CNTN5: variants seen among roughly 807,000 people sequenced by gnomAD.
CNTN5 encodes the protein contactin-5.
A neutral mutation model predicts 129.1 loss-of-function variants in CNTN5; 77 were observed. The observed-to-expected ratio is 0.60, with a 90% CI of 0.50 to 0.72. CNTN5 has a LOEUF of 0.72. Among genes scored for constraint, CNTN5 ranks in the 30% least tolerant of loss-of-function variants. The pLI is 0.00. For synonymous variants in CNTN5, 509 were observed against 465.6 expected, an observed-to-expected ratio of 1.09 and a Z score of -1.20; for missense variants, 1,478 against 1,328.8, an observed-to-expected ratio of 1.11 and a Z score of -1.75.
intron 1 of CNTN5, among the ~76,000 whole-genome samples, chr11:99,245,611 G>A (rs1005956010): frequency 2.0e-5 from 3 of 152,136 alleles, no homozygotes; most frequent in Admixed American, 2.0e-4. Flanking sequence ...GTGAGCCACA[G>A]TGCCTGGCTC....
intron 3 of CNTN5, among the ~76,000 whole-genome samples, chr11:99,762,599 G>A (rs1485170383): frequency 2.0e-5 from 3 of 151,880 alleles, no homozygotes; most frequent in African/African-American, 4.8e-5. Flanking sequence ...TATTTCTGAG[G>A]GCTCTGTTCT....
intron 8 of CNTN5, among the ~76,000 whole-genome samples, chr11:99,985,422 T>A (rs1188084817): frequency 6.6e-6 from 1 of 152,150 alleles, no homozygotes; most frequent in Non-Finnish European, 1.5e-5. Context: ...CTCTCTGAAG[T>A]CAAGTCACCT....
At chr11:99,776,095 A>G (rs1945113946) in intron 3 of CNTN5, among the ~76,000 whole-genome samples, 1 of 151,902 alleles carries the variant, frequency 6.6e-6, no homozygotes. Flanking sequence ...TCACTTGGTC[A>G]TTTATTGAAT....
At chr11:99,942,351 T>C (rs1351826247) in intron 7 of CNTN5, among the ~76,000 whole-genome samples, 1 of 151,830 alleles carries the variant, frequency 6.6e-6, no homozygotes, top group Non-Finnish European at 1.5e-5. Flanking sequence ...CCATATAATA[T>C]ATATAAATAA....
At chr11:100,001,045 T>C (rs956999732) in intron 8 of CNTN5, among the ~76,000 whole-genome samples, 2 of 152,218 alleles carry the variant, frequency 1.3e-5, no homozygotes, top group Admixed American at 6.5e-5. Flanking sequence ...TATGAAGATC[T>C]CTGAAATTCC....
intron 15 of CNTN5, among the ~76,000 whole-genome samples, chr11:100,202,885 A>T (rs1438260438): frequency 2.6e-5 from 4 of 151,978 alleles, no homozygotes; most frequent in African/African-American, 9.7e-5. Flanking sequence ...GGCTTCCTTG[A>T]ACTTAAAACT....
intron 7 of CNTN5, among the ~76,000 whole-genome samples, chr11:99,918,562 A>T (rs1949853278): frequency 6.6e-6 from 1 of 152,142 alleles, no homozygotes; most frequent in Non-Finnish European, 1.5e-5. Flanking sequence ...GCAATTAGAA[A>T]ATAACCTCCA....
chr11:99,415,790 T>A (rs1942631447), intron 2 of CNTN5, among the ~76,000 whole-genome samples: 1 of 152,168 alleles, frequency 6.6e-6, no homozygotes, highest in East Asian at 1.9e-4. Context: ...AATCATTCCT[T>A]TCCATTAACG....
At chr11:99,344,133 G>GA (rs1226398529) in intron 2 of CNTN5, among the ~76,000 whole-genome samples, 1 of 152,164 alleles carries the variant, frequency 6.6e-6, no homozygotes, top group Non-Finnish European at 1.5e-5. Context: ...GTTTTCGGTA[G>GA]AAAGTCTATG....
At chr11:99,121,903 CT>C (rs957636497) in intron 1 of CNTN5, among the ~76,000 whole-genome samples, 4 of 151,696 alleles carry the variant, frequency 2.6e-5, no homozygotes, top group South Asian at 2.1e-4. Context: ...TTCTTTTTTT[CT>C]TTTTTTCCTA....
At chr11:100,321,304 T>G (rs1040513835) in intron 21 of CNTN5, among the ~76,000 whole-genome samples, 18 of 151,744 alleles carry the variant, frequency 1.2e-4, no homozygotes, top group Non-Finnish European at 2.1e-4. Flanking sequence ...TTTTTTTTTT[T>G]TTGGTAGCTA....
intron 9 of CNTN5, among the ~76,000 whole-genome samples, chr11:100,021,817 G>T (rs1237402206): frequency 6.6e-6 from 1 of 152,176 alleles, no homozygotes; most frequent in East Asian, 1.9e-4. Context: ...GCAGCCTTTA[G>T]TGTGTGGCCA....
chr11:100,055,635 T>C (rs1943187597), intron 9 of CNTN5, among the ~76,000 whole-genome samples: 1 of 151,642 alleles, frequency 6.6e-6, no homozygotes, highest in Non-Finnish European at 1.5e-5. Context: ...CCTGCTTCCA[T>C]TGCTGCTGTT....
At chr11:99,523,668 A>ATAGAT (rs1947368101) in intron 2 of CNTN5, among the ~76,000 whole-genome samples, 1 of 74,158 alleles carries the variant, frequency 1.3e-5, no homozygotes, top group Non-Finnish European at 2.7e-5. Context: ...ACAGATCAGA[A>ATAGAT]CAGAACAGAA....
chr11:99,738,865 T>C (rs1943799186), intron 3 of CNTN5, among the ~76,000 whole-genome samples: 1 of 152,206 alleles, frequency 6.6e-6, no homozygotes, highest in Admixed American at 6.5e-5. Context: ...TCAAAAGTTT[T>C]TTTCTATTGT....
At chr11:100,182,075 G>A (rs1210603416) in intron 13 of CNTN5, among the ~76,000 whole-genome samples, 3 of 152,080 alleles carry the variant, frequency 2.0e-5, no homozygotes, top group African/African-American at 4.8e-5. Context: ...TTATGCTATA[G>A]TATTCAAAAT....
intron 7 of CNTN5, among the ~76,000 whole-genome samples, chr11:99,934,922 A>G (rs762515650): frequency 0.56 from 38,546 of 68,956 alleles, 8,133 homozygotes; most frequent in South Asian, 0.63. Context: ...ATATATATAT[A>G]TATATATATA....
At chr11:100,324,778 A>G (rs1360313091) in intron 21 of CNTN5, among the ~76,000 whole-genome samples, 3 of 152,158 alleles carry the variant, frequency 2.0e-5, no homozygotes, top group Admixed American at 6.5e-5. Context: ...AATATCCATT[A>G]TTATGTTTCT....
At chr11:99,425,697 C>CAA (rs1329556464) in intron 2 of CNTN5, among the ~76,000 whole-genome samples, 4 of 152,256 alleles carry the variant, frequency 2.6e-5, no homozygotes, top group Non-Finnish European at 4.4e-5. Flanking sequence ...GGGGTTGCTT[C>CAA]CTGAGCCTCT....
Sources: allele counts gnomAD v4.1 joint callset (sites outside exome capture counted in the v4.1 genomes callset), GRCh38; gene constraint gnomAD v4.1.1; transcripts MANE v1.5; gene names NCBI Gene and HGNC (gene_info 2026-07-23, HGNC 2026-07-21).